The following PALM2AKAP2 variants were observed in gnomAD, a reference collection of about 807,000 sequenced individuals.
PALM2AKAP2 encodes PALM2-AKAP2 fusion protein.
In PALM2AKAP2, 37 loss-of-function variants were observed where a neutral mutation model predicts 71.5. The observed-to-expected ratio is 0.52, with a 90% confidence interval of 0.40 to 0.68. The LOEUF is 0.68. PALM2AKAP2 is among the 30% of genes least tolerant of loss of function. PALM2AKAP2 has a pLI of 0.00. For missense variants in PALM2AKAP2, 1,224 were observed against 1,191.8 expected (o/e 1.03, Z -0.40); for synonymous variants, 468 against 478.8 (o/e 0.98, Z 0.29).
At chr9:109,860,613 A>T (rs1382934241) in intron 1 of PALM2AKAP2, among the ~76,000 whole-genome samples, 1 of 152,070 alleles carries the variant, frequency 6.6e-6, no homozygotes, top group East Asian at 1.9e-4. Flanking sequence ...TCTTTTCCTG[A>T]TTTCCTGGCC....
chr9:109,695,838 G>A (rs752851616), intron 1 of PALM2AKAP2, among the ~76,000 whole-genome samples: 4 of 152,140 alleles, frequency 2.6e-5, no homozygotes, highest in Non-Finnish European at 4.4e-5. Context: ...TCTCATGGAG[G>A]TAGAGAGTAG....
At chr9:110,151,879 C>T (rs905030312) in intron 2 of PALM2AKAP2, among the ~76,000 whole-genome samples, 6 of 152,190 alleles carry the variant, frequency 3.9e-5, no homozygotes, top group African/African-American at 1.4e-4. Flanking sequence ...CGGACCTGCC[C>T]TGAGGTCTAC....
intron 1 of PALM2AKAP2, among the ~76,000 whole-genome samples, chr9:110,103,646 A>G (rs1835050873): frequency 2.0e-5 from 3 of 152,140 alleles, no homozygotes; most frequent in Admixed American, 2.0e-4. Context: ...TGCTGCTACA[A>G]ATCTTCTTTG....
chr9:110,170,717 G>A (rs1003695847), exon 4 of PALM2AKAP2: 5 of 152,174 alleles, frequency 3.3e-5, no homozygotes, highest in African/African-American at 9.7e-5. Flanking sequence ...GGTTGGCATG[G>A]AGACTAAAAT....
intron 6 of PALM2AKAP2, among the ~76,000 whole-genome samples, chr9:109,960,020 A>G (rs766973625): frequency 1.3e-5 from 2 of 152,168 alleles, no homozygotes; most frequent in Non-Finnish European, 2.9e-5. Flanking sequence ...AACATTTGCT[A>G]AAATGCAACA....
At chr9:110,095,169 A>G (rs1273500654) in intron 1 of PALM2AKAP2, among the ~76,000 whole-genome samples, 1 of 152,208 alleles carries the variant, frequency 6.6e-6, no homozygotes, top group African/African-American at 2.4e-5. Context: ...TGCCAAGTTT[A>G]AGTGCAAAGC....
intron 6 of PALM2AKAP2, among the ~76,000 whole-genome samples, chr9:110,012,489 A>G (rs1832902317): frequency 6.6e-6 from 1 of 152,278 alleles, no homozygotes; most frequent in East Asian, 1.9e-4. Flanking sequence ...TTTGTTCTCC[A>G]AAATACAGTT....
At chr9:110,152,101 G>A (rs1045126666) in intron 2 of PALM2AKAP2, among the ~76,000 whole-genome samples, 8 of 152,166 alleles carry the variant, frequency 5.3e-5, no homozygotes, top group Non-Finnish European at 1.0e-4. Context: ...GCCAGGCATA[G>A]TGGTGGGTGC....
intron 6 of PALM2AKAP2, among the ~76,000 whole-genome samples, chr9:109,987,677 G>A (rs1401469986): frequency 1.3e-5 from 2 of 152,118 alleles, no homozygotes; most frequent in African/African-American, 4.8e-5. Flanking sequence ...CCTGTGGTAG[G>A]GCTGCTATGG....
chr9:110,165,120 G>A (rs1179240442), intron 3 of PALM2AKAP2, among the ~76,000 whole-genome samples: 1 of 152,106 alleles, frequency 6.6e-6, no homozygotes, highest in African/African-American at 2.4e-5. Context: ...TAGACTAGTA[G>A]TGAGGATTCA....
chr9:110,002,323 C>T (rs1188535248), intron 6 of PALM2AKAP2, among the ~76,000 whole-genome samples: 1 of 151,966 alleles, frequency 6.6e-6, no homozygotes, highest in East Asian at 1.9e-4. Context: ...TGTTTATTGA[C>T]TTGCATATGT....
At chr9:109,684,209 G>C (rs1827777030) in intron 1 of PALM2AKAP2, among the ~76,000 whole-genome samples, 1 of 152,164 alleles carries the variant, frequency 6.6e-6, no homozygotes. Flanking sequence ...CTTTCTATCA[G>C]TGGGTTCTCA....
chr9:110,048,016 G>T (rs1488041492), upstream of PALM2AKAP2, among the ~76,000 whole-genome samples: 2 of 152,164 alleles, frequency 1.3e-5, no homozygotes, highest in African/African-American at 4.8e-5. Context: ...GCCACCGGCT[G>T]CCACTACACG....
intron 1 of PALM2AKAP2, among the ~76,000 whole-genome samples, chr9:109,751,867 G>A (rs1651771414): frequency 6.6e-6 from 1 of 152,132 alleles, no homozygotes; most frequent in African/African-American, 2.4e-5. Context: ...GGAATATGGG[G>A]AGAATAGCTA....
At chr9:110,100,569 G>A (rs1035379868) in intron 1 of PALM2AKAP2, among the ~76,000 whole-genome samples, 2 of 152,168 alleles carry the variant, frequency 1.3e-5, no homozygotes, top group Non-Finnish European at 2.9e-5. Context: ...CCAGTCCTCT[G>A]CTATGTCCCA....
At chr9:109,654,920 A>G (rs1303554674) in intron 1 of PALM2AKAP2, among the ~76,000 whole-genome samples, 1 of 152,182 alleles carries the variant, frequency 6.6e-6, no homozygotes, top group African/African-American at 2.4e-5. Context: ...GATTCCTAAG[A>G]TCAAAATCCC....
At chr9:109,940,924 A>G (rs1831344976) in intron 6 of PALM2AKAP2, among the ~76,000 whole-genome samples, 1 of 152,206 alleles carries the variant, frequency 6.6e-6, no homozygotes, top group Non-Finnish European at 1.5e-5. Context: ...TGTGGGCAGG[A>G]TGGAGCACAG....
exon 7 of PALM2AKAP2, chr9:110,016,027 C>T: frequency 2.5e-6 from 4 of 1,613,644 alleles, no homozygotes; most frequent in Non-Finnish European, 3.4e-6. Flanking sequence ...CCGGCCCAGA[C>T]ATGACTATCA....
chr9:109,872,490 T>C (rs895474992), intron 2 of PALM2AKAP2, among the ~76,000 whole-genome samples: 11 of 152,214 alleles, frequency 7.2e-5, no homozygotes, highest in African/African-American at 2.7e-4. Flanking sequence ...GTTGGCCCTG[T>C]CAGAATCAAA....
Sources: allele counts gnomAD v4.1 joint callset (sites outside exome capture counted in the v4.1 genomes callset), GRCh38; gene constraint gnomAD v4.1.1; transcripts MANE v1.5; gene names NCBI Gene and HGNC (gene_info 2026-07-23, HGNC 2026-07-21).